The following TSPAN10 variants were observed in gnomAD, a reference collection of about 807,000 sequenced individuals.
TSPAN10 encodes tetraspanin 10.
A neutral mutation model predicts 15.0 loss-of-function variants in TSPAN10; 11 were observed. That is an observed-to-expected ratio of 0.73 (90% CI 0.46 to 1.21). The LOEUF (loss-of-function observed/expected upper bound fraction) is 1.21. Among genes scored for constraint, TSPAN10 ranks in the 50% most tolerant of loss-of-function variants. The pLI, the probability that TSPAN10 is intolerant of heterozygous loss-of-function variation, is 0.00. For synonymous variants in TSPAN10, 241 were observed against 226.2 expected, an observed-to-expected ratio of 1.07 and a Z score of -0.59; for missense variants, 486 against 470.6, an observed-to-expected ratio of 1.03 and a Z score of -0.30.
upstream of TSPAN10, among the ~76,000 whole-genome samples, chr17:81,641,926 G>A (rs899222520): frequency 2.6e-5 from 4 of 152,008 alleles, no homozygotes; most frequent in South Asian, 2.1e-4. Context: ...TGTTTCATTC[G>A]TGCAGTGAAC....
exon 2 of TSPAN10, chr17:81,645,252 C>G: frequency 5.2e-6 from 8 of 1,534,744 alleles, no homozygotes; most frequent in Non-Finnish European, 7.0e-6. Flanking sequence ...CCATCGGGCT[C>G]TGGGGCCTGG....
chr17:81,642,422 G>A (rs778206400), exon 1 of TSPAN10: 2 of 1,613,292 alleles, frequency 1.2e-6, no homozygotes, highest in Admixed American at 3.3e-5. Context: ...GATGGAGGAG[G>A]GGGAGAGGAG....
At chr17:81,637,619 T>C (rs186241122), upstream of TSPAN10, 61,769 of 502,186 alleles carry the variant, frequency 0.12, 4,498 homozygotes, top group Middle Eastern at 0.18. Flanking sequence ...GCCAAAATGG[T>C]GAAACCCCGT....
upstream of TSPAN10, chr17:81,642,322 C>T (rs750290791): frequency 2.0e-6 from 3 of 1,499,764 alleles, no homozygotes; most frequent in Admixed American, 3.4e-5. Flanking sequence ...CCCAGGGCCG[C>T]AGTCAGGACC....
At chr17:81,637,776 A>AT (rs2036125506), upstream of TSPAN10, 1 of 164,996 alleles carries the variant, frequency 6.1e-6, no homozygotes, top group African/African-American at 2.4e-5. Context: ...TCTACTAAAA[A>AT]TACAAAAATT....
At chr17:81,648,461 C>G, downstream of TSPAN10, 1 of 641,826 alleles carries the variant, frequency 1.6e-6, no homozygotes. Flanking sequence ...CTCCGCGTCC[C>G]CCATGCCAGC....
At chr17:81,640,209 A>G (rs75903352), upstream of TSPAN10, among the ~76,000 whole-genome samples, 18,250 of 151,390 alleles carry the variant, frequency 0.12, 1,274 homozygotes, top group Non-Finnish European at 0.15. Flanking sequence ...GTCTCTAACT[A>G]CTACTAGGTT....
At chr17:81,637,439 T>G (rs2036117455), upstream of TSPAN10, 3 of 668,412 alleles carry the variant, frequency 4.5e-6, no homozygotes, top group Non-Finnish European at 2.7e-6. Flanking sequence ...GAAGGCAGGA[T>G]CACACCTTCA....
upstream of TSPAN10, chr17:81,637,720 G>C (rs1175901255): frequency 4.6e-6 from 1 of 219,316 alleles, no homozygotes; most frequent in Admixed American, 5.8e-5. Flanking sequence ...GATCACCTGA[G>C]GTCAGGAGTT....
intron 1 of TSPAN10, among the ~76,000 whole-genome samples, chr17:81,644,641 G>C (rs2036218896): frequency 6.6e-6 from 1 of 152,222 alleles, no homozygotes; most frequent in African/African-American, 2.4e-5. Context: ...GACCCGGGGA[G>C]GCCGCAGACA....
At position 81,642,494 on chromosome 17, in the gene TSPAN10, A is replaced by G. The variant is rs973369634; in HGVS notation, c.36+46A>G. ...TTGCCCTGAGGTTGGAGATGTCCCC[A>G]GCCCTGAAGTCCTAAGGGAAGTCCC... On this transcript the variant is annotated intron_variant, in intron 1 of 2. Coordinates refer to ENST00000611590, the Ensembl canonical transcript of TSPAN10. 12 of 1,572,502 alleles carry G rather than the reference A, an allele frequency of 7.6e-6. 1 individual carries two copies. In the Admixed American group the frequency reaches 1.2e-4, roughly 16 times the overall value.
At chr17:81,644,164 A>C (rs35112977) in intron 1 of TSPAN10, among the ~76,000 whole-genome samples, 76,431 of 151,598 alleles carry the variant, frequency 0.5, 21,126 homozygotes, top group East Asian at 0.99. Context: ...ATAGCTTCTT[A>C]TTCTCCTTTT....
At chr17:81,647,586 G>C (rs1192443818) in intron 2 of TSPAN10, 1 of 624,064 alleles carries the variant, frequency 1.6e-6, no homozygotes, top group Non-Finnish European at 3.0e-6. Context: ...CCTCTGCGGA[G>C]GGAGGTCCTC....
At chr17:81,643,865 C>G (rs1227300160) in intron 1 of TSPAN10, among the ~76,000 whole-genome samples, 1 of 152,110 alleles carries the variant, frequency 6.6e-6, no homozygotes, top group Non-Finnish European at 1.5e-5. Flanking sequence ...GTCACCCAGG[C>G]TGGAGTGCAG....
chr17:81,647,528 C>T (rs2036270915), intron 2 of TSPAN10: 1 of 518,000 alleles, frequency 1.9e-6, no homozygotes. Flanking sequence ...GCCAGAGTTC[C>T]ATCCACCCTC....
At chr17:81,640,384 T>C (rs1187967492), upstream of TSPAN10, among the ~76,000 whole-genome samples, 1 of 152,152 alleles carries the variant, frequency 6.6e-6, no homozygotes, top group Non-Finnish European at 1.5e-5. Context: ...CTCGTGTCTC[T>C]CCATGTGTCC....
Position 81,645,340 on chromosome 17 carries a change from C to CT in TSPAN10, c.386dup (p.Val130GlyfsTer16). 3 of 1,572,642 alleles carry CT rather than the reference C, an allele frequency of 1.9e-6. No individual in the cohort carries two copies. ...CATGCTGGGGCTGGCACTGGGAGGG[C>CT]TGGTGGTCAGCGCAGTGAGCCTGGC... On this transcript the variant is annotated frameshift_variant, in exon 2 of 3. Coordinates refer to ENST00000611590, the Ensembl canonical transcript of TSPAN10. LOFTEE classifies it high-confidence loss of function.
At chr17:81,641,905 TGGG>T (rs200595737), upstream of TSPAN10, among the ~76,000 whole-genome samples, 3 of 128,212 alleles carry the variant, frequency 2.3e-5, no homozygotes, top group Non-Finnish European at 4.9e-5. Context: ...GGTGATCTGG[TGGG>T]GGGACGCTGT....
At chr17:81,639,783 C>T (rs2036161770), upstream of TSPAN10, among the ~76,000 whole-genome samples, 1 of 151,176 alleles carries the variant, frequency 6.6e-6, no homozygotes, top group South Asian at 2.1e-4. Context: ...TCGAGACCAT[C>T]CTGGCTAATA....
Sources: gnomAD v4.1 joint callset for allele counts (sites outside exome capture counted in the v4.1 genomes callset) on GRCh38, gnomAD v4.1.1 for gene constraint, MANE v1.5 for transcripts, NCBI Gene and HGNC (gene_info 2026-07-23, HGNC 2026-07-21) for gene names.